RGS5: variants seen among roughly 807,000 people sequenced by gnomAD.
RGS5 encodes regulator of G protein signaling 5, also known as regulator of G-protein signalling 5.
RGS5 carries 20 observed loss-of-function variants against 18.9 expected under a neutral mutation model. The observed-to-expected ratio is 1.06, with a 90% CI of 0.74 to 1.54. The LOEUF (loss-of-function observed/expected upper bound fraction) is 1.54. RGS5 is among the 40% of genes most tolerant of loss of function. The pLI, the probability that RGS5 is intolerant of heterozygous loss-of-function variation, is 0.00. For missense variants in RGS5, 201 were observed against 211.8 expected, an observed-to-expected ratio of 0.95 and a Z score of 0.32; for synonymous variants, 57 against 76.2, an observed-to-expected ratio of 0.75 and a Z score of 1.31.
At chr1:163,266,381 G>C (rs1648574083) in intron 2 of RGS5, among the ~76,000 whole-genome samples, 1 of 152,042 alleles carries the variant, frequency 6.6e-6, no homozygotes, top group African/African-American at 2.4e-5. Context: ...CACCTAATTT[G>C]TCTGTATTAC....
intron 1 of RGS5, among the ~76,000 whole-genome samples, chr1:163,191,683 T>C (rs1659363339): frequency 6.6e-6 from 1 of 152,188 alleles, no homozygotes; most frequent in Admixed American, 6.5e-5. Flanking sequence ...ATTCTAATAC[T>C]TGGTTTCTGA....
At chr1:163,277,502 G>A (rs1472328581) in intron 2 of RGS5, among the ~76,000 whole-genome samples, 1 of 152,130 alleles carries the variant, frequency 6.6e-6, no homozygotes, top group African/African-American at 2.4e-5. Context: ...GACATACAGG[G>A]GATTAAGGCC....
chr1:163,268,473 G>A (rs144604391), intron 2 of RGS5, among the ~76,000 whole-genome samples: 421 of 152,126 alleles, frequency 2.8e-3, no homozygotes, highest in African/African-American at 9.4e-3. Context: ...TGATCCTGGA[G>A]AGACTGTTCC....
chr1:163,177,279 T>C (rs1658599067), intron 1 of RGS5, among the ~76,000 whole-genome samples: 1 of 152,256 alleles, frequency 6.6e-6, no homozygotes, highest in Non-Finnish European at 1.5e-5. Flanking sequence ...CTAAGATTTC[T>C]TGTTGCCTGA....
chr1:163,155,940 A>G (rs1471366222), intron 3 of RGS5, among the ~76,000 whole-genome samples: 1 of 152,164 alleles, frequency 6.6e-6, no homozygotes, highest in Non-Finnish European at 1.5e-5. Context: ...CGCCCTAATG[A>G]ATGGTGTCAC....
At chr1:163,168,808 G>A (rs1462276946) in intron 1 of RGS5, among the ~76,000 whole-genome samples, 1 of 152,048 alleles carries the variant, frequency 6.6e-6, no homozygotes, top group Admixed American at 6.6e-5. Flanking sequence ...AGTCTTCTGA[G>A]GGCTCTGGTC....
At chr1:163,255,719 A>T (rs1648253707) in intron 2 of RGS5, among the ~76,000 whole-genome samples, 1 of 151,776 alleles carries the variant, frequency 6.6e-6, no homozygotes, top group Non-Finnish European at 1.5e-5. Context: ...TCAGTAAAAT[A>T]CTGGCAAACC....
At chr1:163,189,744 G>A (rs1378947206) in intron 1 of RGS5, among the ~76,000 whole-genome samples, 2 of 152,166 alleles carry the variant, frequency 1.3e-5, no homozygotes, top group Non-Finnish European at 2.9e-5. Flanking sequence ...GGGTCTCTGG[G>A]CTTGACCCCC....
At chr1:163,147,924 T>TTTCTTTTC (rs796509175) in intron 4 of RGS5, among the ~76,000 whole-genome samples, 1 of 134,390 alleles carries the variant, frequency 7.4e-6, no homozygotes, top group South Asian at 2.6e-4. Context: ...TTTTCTTTTT[T>TTTCTTTTC]TTTTTTTTTT....
chr1:163,206,502 T>C (rs1659958052), upstream of RGS5, among the ~76,000 whole-genome samples: 1 of 152,188 alleles, frequency 6.6e-6, no homozygotes, highest in Non-Finnish European at 1.5e-5. Flanking sequence ...CATATACATA[T>C]GTACTATGAT....
chr1:163,275,334 A>G (rs1238716808), intron 2 of RGS5, among the ~76,000 whole-genome samples: 1 of 152,162 alleles, frequency 6.6e-6, no homozygotes, highest in African/African-American at 2.4e-5. Context: ...CTCATGTCCA[A>G]GATTTCACTG....
At chr1:163,174,804 G>A (rs1190857876) in intron 1 of RGS5, among the ~76,000 whole-genome samples, 4 of 152,116 alleles carry the variant, frequency 2.6e-5, no homozygotes, top group African/African-American at 7.2e-5. Context: ...AAAGGCTTTC[G>A]GCAATCACAA....
chr1:163,222,263 A>G (rs567116210), upstream of RGS5, among the ~76,000 whole-genome samples: 7 of 152,258 alleles, frequency 4.6e-5, no homozygotes, highest in Non-Finnish European at 8.8e-5. Context: ...CAGCAGCATT[A>G]GATTCTCATA....
chr1:163,163,913 G>A (rs1018905864), intron 2 of RGS5, among the ~76,000 whole-genome samples: 31 of 152,174 alleles, frequency 2.0e-4, no homozygotes, highest in African/African-American at 7.5e-4. Context: ...GAGGAGCAAA[G>A]GAAGAAGAAA....
intron 2 of RGS5, among the ~76,000 whole-genome samples, chr1:163,285,474 T>G (rs1166183784): frequency 6.6e-6 from 1 of 151,952 alleles, no homozygotes; most frequent in Non-Finnish European, 1.5e-5. Context: ...ATTTGAACCC[T>G]GGAGGTGGAG....
intron 2 of RGS5, chr1:163,304,174 A>G (rs1649635962): frequency 6.6e-6 from 1 of 152,218 alleles, no homozygotes; most frequent in African/African-American, 2.4e-5. Context: ...AGGACCCCCA[A>G]GATATATTCA....
chr1:163,180,209 C>CAGATGATCCACCCG (rs1658750436), intron 1 of RGS5, among the ~76,000 whole-genome samples: 3 of 152,192 alleles, frequency 2.0e-5, no homozygotes, highest in African/African-American at 7.2e-5. Flanking sequence ...TGCCTGAGCT[C>CAGATGATCCACCCG]AGATGATCCA....
chr1:163,248,333 G>A (rs949477644), intron 2 of RGS5: 7 of 152,084 alleles, frequency 4.6e-5, no homozygotes, highest in African/African-American at 1.7e-4. Context: ...AATAACTGCT[G>A]ACACTCCATC....
At chr1:163,176,223 A>G (rs1329485036) in intron 1 of RGS5, among the ~76,000 whole-genome samples, 2 of 152,228 alleles carry the variant, frequency 1.3e-5, no homozygotes, top group Non-Finnish European at 2.9e-5. Context: ...GCTCATTTTC[A>G]GTAAGGGACC....
Sources: gnomAD v4.1 joint callset for allele counts (sites outside exome capture counted in the v4.1 genomes callset) on GRCh38, gnomAD v4.1.1 for gene constraint, MANE v1.5 for transcripts, NCBI Gene and HGNC (gene_info 2026-07-23, HGNC 2026-07-21) for gene names.